Variants in PSMC6 observed in about 807,000 individuals in gnomAD.
PSMC6 encodes 26S proteasome regulatory subunit 10B.
In PSMC6, 3 loss-of-function variants were observed where a neutral mutation model predicts 55.9. The observed-to-expected ratio is 0.05, with a 90% CI of 0.02 to 0.14. The LOEUF is 0.14. Ranked by LOEUF, PSMC6 falls within the 10% of genes least tolerant of loss-of-function variation. PSMC6 has a pLI of 1.00. For missense variants in PSMC6, 210 were observed against 478.7 expected (o/e 0.44, Z 5.24); for synonymous variants, 137 against 155.9 (o/e 0.88, Z 0.90).
chr14:52,717,037 G>C (rs922582968), intron 7 of PSMC6, among the ~76,000 whole-genome samples: 5 of 152,076 alleles, frequency 3.3e-5, no homozygotes, highest in Admixed American at 2.6e-4. Flanking sequence ...AGTTCACTTA[G>C]ACAGGAGGAA....
intron 7 of PSMC6, among the ~76,000 whole-genome samples, chr14:52,717,228 T>C (rs143456966): frequency 1.3e-5 from 2 of 152,308 alleles, no homozygotes; most frequent in African/African-American, 4.8e-5. Flanking sequence ...TGTATCATAA[T>C]TTAACCCATA....
intron 12 of PSMC6, chr14:52,722,939 T>G (rs1017268839): frequency 2.0e-5 from 3 of 152,230 alleles, no homozygotes; most frequent in Admixed American, 6.5e-5. Context: ...GGAAATCTAG[T>G]ATAATTTCCA....
At chr14:52,713,091 TGTG>T (rs769258186) in intron 6 of PSMC6, among the ~76,000 whole-genome samples, 1 of 151,844 alleles carries the variant, frequency 6.6e-6, no homozygotes, top group Non-Finnish European at 1.5e-5. Flanking sequence ...ATTAGCCAGG[TGTG>T]GTGGTGGCGC....
At chr14:52,716,327 A>G (rs928857740) in intron 7 of PSMC6, among the ~76,000 whole-genome samples, 7 of 152,246 alleles carry the variant, frequency 4.6e-5, no homozygotes, top group African/African-American at 7.2e-5. Flanking sequence ...TGATTCAGCA[A>G]TCCCACTTCT....
chr14:52,720,833 T>C, intron 10 of PSMC6, 28 bp from the exon 11 acceptor site: 1 of 1,553,612 alleles, frequency 6.4e-7, no homozygotes, highest in Non-Finnish European at 8.8e-7. Flanking sequence ...TTAGAATTTT[T>C]GTAAAATCTG....
chr14:52,707,646 C>G (rs920729741), intron 1 of PSMC6: 2 of 268,222 alleles, frequency 7.5e-6, no homozygotes, highest in Non-Finnish European at 1.5e-5. Context: ...GGGGAAGGCG[C>G]TTGAGTCAAG....
intron 7 of PSMC6, among the ~76,000 whole-genome samples, chr14:52,715,481 A>C (rs1199442338): frequency 6.6e-6 from 1 of 152,252 alleles, no homozygotes; most frequent in African/African-American, 2.4e-5. Context: ...AAGCGAACAA[A>C]TTAAGCCTGT....
chr14:52,710,974 A>G (rs2041765509), intron 4 of PSMC6, 127 bp from the exon 5 acceptor site: 2 of 762,896 alleles, frequency 2.6e-6, no homozygotes, highest in South Asian at 1.5e-5. Flanking sequence ...CATAGAGTTT[A>G]TAATCTGATA....
intron 4 of PSMC6, chr14:52,710,861 T>G: frequency 2.0e-6 from 1 of 501,724 alleles, no homozygotes; most frequent in Non-Finnish European, 3.6e-6. Context: ...GCTTTGTGTG[T>G]TAGTCATTTC....
chr14:52,711,263 C>T (rs962891494), intron 5 of PSMC6, 95 bp downstream of exon 5: 1 of 1,358,478 alleles, frequency 7.4e-7, no homozygotes, highest in Admixed American at 1.9e-5. Flanking sequence ...AATATTTTGG[C>T]ACTTTTTCCC....
At chr14:52,714,150 C>G (rs916452394) in intron 7 of PSMC6, 182 bp downstream of exon 7, 4 of 434,556 alleles carry the variant, frequency 9.2e-6, no homozygotes, top group African/African-American at 4.1e-5. Context: ...AAGTGATTCT[C>G]CCACCTCAGT....
chr14:52,709,007 C>A, intron 4 of PSMC6, 191 bp downstream of exon 4: 1 of 664,778 alleles, frequency 1.5e-6, no homozygotes. Flanking sequence ...GCATTCCGTA[C>A]TTTCTACTGT....
At chr14:52,727,183 G>C (rs1463946976) in intron 13 of PSMC6, among the ~76,000 whole-genome samples, 2 of 151,034 alleles carry the variant, frequency 1.3e-5, no homozygotes, top group African/African-American at 4.9e-5. Context: ...ACCATGCCCA[G>C]CTAATTTTTT....
chr14:52,715,236 A>T (rs570160284), intron 7 of PSMC6, among the ~76,000 whole-genome samples: 27 of 152,320 alleles, frequency 1.8e-4, no homozygotes, highest in Admixed American at 7.8e-4. Context: ...GTTCTTCATG[A>T]TAAAAGGGAA....
intron 1 of PSMC6, 85 bp from the exon 2 acceptor site, chr14:52,708,224 T>TA: frequency 1.7e-6 from 2 of 1,161,360 alleles, no homozygotes; most frequent in Non-Finnish European, 2.5e-6. Flanking sequence ...GAAGTAGACT[T>TA]ACGTAAACAG....
intron 2 of PSMC6, 30 bp downstream of exon 2, chr14:52,708,418 T>A (rs1332319117): frequency 6.2e-7 from 1 of 1,611,136 alleles, no homozygotes; most frequent in African/African-American, 1.3e-5. Flanking sequence ...GAATAGGGGG[T>A]GATGGTAATT....
chr14:52,727,703 A>G lies in PSMC6; in HGVS notation c.*86A>G, dbSNP rs1278402928. The G allele has an allele frequency of 1.3e-6, 1 of 781,948 alleles. No homozygotes were observed. The highest frequency in any genetic ancestry group is 1.7e-5 in the African/African-American group (1 of 57,264). 48.4% of individuals were successfully genotyped at this position (781,948 alleles called of 1,614,324 possible). On this transcript the variant is annotated 3_prime_UTR_variant, in exon 14 of 14. Transcript: ENST00000445930. The stretch of plus-strand genomic sequence containing the variant: ...AAAGAAAATAATGTATGTATTGGTA[A>G]TGATGTCATTAAAAGTATATGAATA...
intron 13 of PSMC6, among the ~76,000 whole-genome samples, chr14:52,725,863 T>C (rs546856503): frequency 2.2e-4 from 33 of 152,356 alleles, no homozygotes; most frequent in African/African-American, 6.7e-4. Context: ...ATTTGGAAAA[T>C]AGCCATGTGT....
In PSMC6 at chr14:52,707,225, G is replaced by C; in HGVS notation, c.6G>C (p.Ala2=). The C allele has an allele frequency of 6.2e-7, 1 of 1,613,864 alleles. No homozygotes were observed. The highest frequency in any genetic ancestry group is 2.2e-5 in the East Asian group (1 of 44,844). M[A]DPRDKALQDY... is the part of the protein sequence containing the mutation. ...ATGAGAGACGGCTTCTCATCATGGC[G>C]GACCCTAGAGATAAGGCGCTTCAGG... The change falls in exon 1 of 14, where the codon GCG becomes GCC. Residue 2 remains alanine (A), a synonymous_variant. Transcript: ENST00000445930.
Sources: allele counts gnomAD v4.1 joint callset (sites outside exome capture counted in the v4.1 genomes callset), GRCh38; gene constraint gnomAD v4.1.1; transcripts MANE v1.5; gene names NCBI Gene and HGNC (gene_info 2026-07-23, HGNC 2026-07-21).